Variants in EYA3 observed in about 807,000 individuals in gnomAD.
EYA3 encodes the protein EYA transcriptional coactivator and phosphatase 3.
EYA3 carries 39 observed loss-of-function variants against 80.0 expected under a neutral mutation model. The observed-to-expected ratio is 0.49, with a 90% CI of 0.38 to 0.64. EYA3 has a LOEUF of 0.64. Ranked by LOEUF, EYA3 falls within the 30% of genes least tolerant of loss-of-function variation. The probability of loss-of-function intolerance (pLI) is 0.00; values close to 1 mark genes in which losing one functional copy is unlikely to be tolerated. For missense variants in EYA3, 523 were observed against 676.1 expected, an observed-to-expected ratio of 0.77 and a Z score of 2.51; for synonymous variants, 206 against 232.8, an observed-to-expected ratio of 0.88 and a Z score of 1.05.
intron 7 of EYA3, among the ~76,000 whole-genome samples, chr1:28,021,099 A>G (rs1642407311): frequency 6.6e-6 from 1 of 152,252 alleles, no homozygotes; most frequent in Non-Finnish European, 1.5e-5. Flanking sequence ...TTAATGGCAC[A>G]TAAAAGTTTG....
intron 11 of EYA3, among the ~76,000 whole-genome samples, chr1:28,001,725 CGAGA>C (rs1023248057): frequency 1.7e-5 from 2 of 116,696 alleles, no homozygotes; most frequent in African/African-American, 6.4e-5. Context: ...GGTGACAGAG[CGAGA>C]CTCTGTCTCA....
At chr1:28,010,615 C>A (rs1033295954) in intron 10 of EYA3, among the ~76,000 whole-genome samples, 1 of 152,114 alleles carries the variant, frequency 6.6e-6, no homozygotes, top group African/African-American at 2.4e-5. Flanking sequence ...AAGCGATCCT[C>A]CCGCTTCAGC....
At position 28,004,385 on chromosome 1, in the gene EYA3, A is replaced by G. The variant is rs751323993; in HGVS notation, c.944T>C (p.Ile315Thr). The change falls in exon 11 of 18, where the codon ATC (isoleucine) becomes ACC (threonine). Residue 315 changes from isoleucine to threonine, a missense_variant. Around this residue, in one of 2 missense-constraint regions of EYA3, gnomAD observed 219 missense variants for 332.8 expected, o/e 0.66. Transcript: ENST00000373871. ...TCCAGTAAGAAGTGAGTGGAAGATG[A>G]TGATGGTTTCATCCAAGTCCCACAG... ...VFLWDLDETI[I>T]IFHSLLTGSY... 1.2e-6 allele frequency: 2 copies of G among 1,608,720 alleles called. No individual in the cohort carries two copies. Among genetic ancestry groups the G allele is most frequent in the Non-Finnish European group, 1.7e-6 (2 of 1,175,986 alleles).
intron 5 of EYA3, among the ~76,000 whole-genome samples, chr1:28,037,535 A>G (rs1643522759): frequency 6.6e-6 from 1 of 152,158 alleles, no homozygotes; most frequent in Admixed American, 6.5e-5. Flanking sequence ...CAGATATGGT[A>G]AAGACCATAA....
At chr1:27,996,228 A>G (rs1640448230) in intron 13 of EYA3, among the ~76,000 whole-genome samples, 1 of 152,220 alleles carries the variant, frequency 6.6e-6, no homozygotes, top group African/African-American at 2.4e-5. Context: ...AGCAACAGAT[A>G]ATACAATTAT....
At chr1:28,025,637 A>G (rs1235170945) in intron 7 of EYA3, among the ~76,000 whole-genome samples, 1 of 152,254 alleles carries the variant, frequency 6.6e-6, no homozygotes, top group Admixed American at 6.5e-5. Context: ...AATTGTCATT[A>G]ATAGCAAAAT....
At chr1:27,993,672 G>T in intron 13 of EYA3, 112 bp from the exon 14 acceptor site, 1 of 817,940 alleles carries the variant, frequency 1.2e-6, no homozygotes, top group Non-Finnish European at 1.8e-6. Flanking sequence ...TGGCTTTAAG[G>T]ATCTTCTTCC....
chr1:28,065,704 G>A (rs1644812318), intron 1 of EYA3, among the ~76,000 whole-genome samples: 1 of 149,956 alleles, frequency 6.7e-6, no homozygotes, highest in Admixed American at 6.7e-5. Flanking sequence ...GGGCCATTAA[G>A]TAAAATAAGA....
chr1:27,988,428 T>C (rs1639810782), intron 16 of EYA3, 107 bp downstream of exon 16: 3 of 1,209,790 alleles, frequency 2.5e-6, no homozygotes. Context: ...GGACTGTAGG[T>C]ATTACAAATA....
chr1:28,074,513 CTT>C (rs34650238), intron 1 of EYA3, among the ~76,000 whole-genome samples: 34,490 of 139,816 alleles, frequency 0.25, 4,035 homozygotes, highest in Non-Finnish European at 0.28. Flanking sequence ...TTTGAACTTT[CTT>C]TTTTTTTTTT....
chr1:28,004,268 T>G, intron 11 of EYA3, 68 bp downstream of exon 11: 1 of 1,069,882 alleles, frequency 9.3e-7, no homozygotes, highest in Non-Finnish European at 1.4e-6. Flanking sequence ...TAATTTGTTA[T>G]GTGTCAGAAG....
chr1:28,036,166 C>G (rs2148847778), intron 5 of EYA3, among the ~76,000 whole-genome samples: 1 of 152,290 alleles, frequency 6.6e-6, no homozygotes, highest in East Asian at 1.9e-4. Context: ...TTTCTACGTT[C>G]TCCTATCATC....
chr1:28,031,545 C>T (rs1216510488), intron 6 of EYA3, among the ~76,000 whole-genome samples: 1 of 152,150 alleles, frequency 6.6e-6, no homozygotes, highest in South Asian at 2.1e-4. Context: ...CAAACTCTAC[C>T]CAAGTTTCTC....
chr1:27,993,307 G>A (rs1360502291), intron 14 of EYA3, 93 bp downstream of exon 14: 1 of 1,293,812 alleles, frequency 7.7e-7, no homozygotes, highest in South Asian at 1.4e-5. Context: ...TAATTTATAA[G>A]CAGTTGTCAT....
At chr1:28,081,170 A>G (rs559617101) in intron 1 of EYA3, among the ~76,000 whole-genome samples, 2 of 152,336 alleles carry the variant, frequency 1.3e-5, no homozygotes, top group African/African-American at 4.8e-5. Flanking sequence ...AATGTGAGGT[A>G]CCTACAGTAA....
At chr1:28,024,895 T>A (rs1433529511) in intron 7 of EYA3, among the ~76,000 whole-genome samples, 1 of 152,116 alleles carries the variant, frequency 6.6e-6, no homozygotes, top group Non-Finnish European at 1.5e-5. Context: ...AAGTACAAAC[T>A]AAAGAAAAGG....
chr1:28,073,499 C>T (rs528544978), intron 1 of EYA3, among the ~76,000 whole-genome samples: 30 of 151,176 alleles, frequency 2.0e-4, no homozygotes, highest in Non-Finnish European at 4.3e-4. Flanking sequence ...AGCATTTCAC[C>T]GTGTTGCCCA....
chr1:28,027,914 G>A lies in EYA3; in HGVS notation c.374C>T (p.Pro125Leu). The change falls in exon 7 of 18, where the codon CCA (proline) becomes CTA (leucine). Residue 125 changes from proline (P) to leucine (L), a missense_variant. Pro to Leu is a moderately conservative substitution (Grantham distance 98, BLOSUM62 -3). Around this residue, in one of 2 missense-constraint regions of EYA3, gnomAD observed 304 missense variants for 343.3 expected, o/e 0.89. Coordinates refer to ENST00000373871, the MANE Select transcript of EYA3 (RefSeq NM_001990.4). ...YGLPPFGALWPGMKPESGLIQ... is the reference protein window; with the variant it reads ...YGLPPFGALWLGMKPESGLIQ... Reference sequence around the variant, plus strand: ...TAAACCACTTTCAGGTTTCATACCTGGCCACAATGCACCTGAATCAGATAA... The same window carrying A: ...TAAACCACTTTCAGGTTTCATACCTAGCCACAATGCACCTGAATCAGATAA... 1 of 1,614,010 alleles carries A rather than the reference G, an allele frequency of 6.2e-7. No homozygotes were observed. The highest frequency in any genetic ancestry group is 1.3e-5 in the African/African-American group (1 of 74,990).
chr1:27,989,244 A>C (rs1235248308), intron 15 of EYA3, among the ~76,000 whole-genome samples: 1 of 152,170 alleles, frequency 6.6e-6, no homozygotes, highest in Non-Finnish European at 1.5e-5. Flanking sequence ...AGACTGGTGC[A>C]TTTATTTCCC....
Sources: gnomAD v4.1 joint callset for allele counts (sites outside exome capture counted in the v4.1 genomes callset) on GRCh38, gnomAD v4.1.1 for gene constraint, gnomAD v4.1.1 regional missense constraint, MANE v1.5 for transcripts, NCBI Gene and HGNC (gene_info 2026-07-23, HGNC 2026-07-21) for gene names.